KTN1: variants seen among roughly 807,000 people sequenced by gnomAD.
KTN1 encodes kinectin 1.
In KTN1, 130 loss-of-function variants were observed where a neutral mutation model predicts 222.5. The ratio of observed to expected loss-of-function variants is 0.58; its 90% CI spans 0.51 to 0.68. The LOEUF (loss-of-function observed/expected upper bound fraction) is 0.68, where lower values mean the gene tolerates loss of function less well. Among genes scored for constraint, KTN1 ranks in the 30% least tolerant of loss-of-function variants. The pLI is 0.00. For missense variants in KTN1, 1,508 were observed against 1,500.4 expected (o/e 1.01, Z -0.08); for synonymous variants, 512 against 496.3 (o/e 1.03, Z -0.42).
intron 9 of KTN1, among the ~76,000 whole-genome samples, chr14:55,635,062 A>G (rs1487035181): frequency 6.6e-6 from 1 of 152,172 alleles, no homozygotes; most frequent in East Asian, 1.9e-4. Flanking sequence ...TGGGGACACA[A>G]TGCCTAACCA....
chr14:55,659,792 C>T, intron 31 of KTN1, 89 bp downstream of exon 31: 3 of 743,546 alleles, frequency 4.0e-6, no homozygotes, highest in Non-Finnish European at 7.1e-6. Context: ...AGTGTAACTG[C>T]AAATGGCACC....
chr14:55,629,859 A>G (rs2040315871), intron 6 of KTN1, 98 bp from the exon 7 acceptor site: 1 of 828,366 alleles, frequency 1.2e-6, no homozygotes, highest in Non-Finnish European at 2.0e-6. Context: ...ATTCATGATT[A>G]TTTTACTGAT....
Position 55,640,987 on chromosome 14 carries a change from A to T in KTN1, c.2021+17A>T. 1 of 1,593,218 alleles carries T rather than the reference A, an allele frequency of 6.3e-7. No individual in the cohort carries two copies. Among genetic ancestry groups the T allele is most frequent in the Non-Finnish European group, 8.6e-7 (1 of 1,161,706 alleles). On this transcript the variant is annotated intron_variant, in intron 16 of 43. Transcript: ENST00000395314. ...GCAACAAAGGTGACTAAAGTATTGTACATCTAGTCGTTCATACATTTATGT... is the reference window on the plus strand; with the variant it reads ...GCAACAAAGGTGACTAAAGTATTGTTCATCTAGTCGTTCATACATTTATGT...
chr14:55,678,201 T>TGGG, intron 41 of KTN1, 151 bp from the exon 42 acceptor site: 1 of 573,786 alleles, frequency 1.7e-6, no homozygotes, highest in Non-Finnish European at 3.1e-6. Context: ...TATAATCTGG[T>TGGG]GGGGGGTGAA....
chr14:55,682,628 CT>C (rs1195912692), intron 43 of KTN1: 1 of 152,142 alleles, frequency 6.6e-6, no homozygotes, highest in African/African-American at 2.4e-5. Context: ...CACAACCACC[CT>C]GTGTGTTAGG....
intron 32 of KTN1, 59 bp from the exon 33 acceptor site, chr14:55,663,896 A>G: frequency 4.4e-6 from 6 of 1,363,768 alleles, no homozygotes; most frequent in Non-Finnish European, 6.2e-6. Flanking sequence ...GATGAAGTAA[A>G]AAAGCAAAAA....
intron 1 of KTN1, among the ~76,000 whole-genome samples, chr14:55,594,354 CA>C (rs148005592): frequency 0.015 from 2,297 of 152,250 alleles, 32 homozygotes; most frequent in African/African-American, 0.039. Context: ...CTGATATTAG[CA>C]TCACACTAAT....
chr14:55,647,291 T>G (rs1433793387), intron 19 of KTN1, among the ~76,000 whole-genome samples: 2 of 152,130 alleles, frequency 1.3e-5, no homozygotes, highest in East Asian at 1.9e-4. Flanking sequence ...ATTAAAAGTT[T>G]ATAAGAAATG....
chr14:55,634,268 C>T lies in KTN1; in HGVS notation c.1329-258C>T, dbSNP rs369269754. On this transcript the variant is annotated intron_variant, in intron 8 of 43. Transcript: ENST00000395314. ...GATTTTTAATACGTTTTCAGAAGACCAGTTTGAAGGTGACACTATTTATGG... is the reference window on the plus strand; with the variant it reads ...GATTTTTAATACGTTTTCAGAAGACTAGTTTGAAGGTGACACTATTTATGG... Among the ~76,000 whole-genome samples, 42 of 152,178 alleles carry T rather than the reference C, an allele frequency of 2.8e-4. 1 individual carries two copies. The highest frequency in any genetic ancestry group is 1.0e-3 in the African/African-American group (42 of 41,522).
intron 10 of KTN1, among the ~76,000 whole-genome samples, chr14:55,636,828 T>C (rs939370340): frequency 6.6e-6 from 1 of 151,986 alleles, no homozygotes; most frequent in African/African-American, 2.4e-5. Context: ...TTTGGTTCTT[T>C]GGTTAATTCT....
intron 2 of KTN1, among the ~76,000 whole-genome samples, chr14:55,612,997 T>TTC (rs2140636234): frequency 6.6e-6 from 1 of 152,300 alleles, no homozygotes; most frequent in Non-Finnish European, 1.5e-5. Flanking sequence ...GTTACGAACT[T>TTC]TCTAAATGAT....
intron 12 of KTN1, 52 bp downstream of exon 12, chr14:55,637,899 A>G (rs759371679): frequency 2.2e-6 from 3 of 1,369,816 alleles, no homozygotes; most frequent in Non-Finnish European, 3.1e-6. Context: ...CCATTTAAAC[A>G]CTCACCTGAA....
chr14:55,640,511 T>C (rs2041668078), intron 15 of KTN1, 69 bp downstream of exon 15: 13 of 1,065,082 alleles, frequency 1.2e-5, no homozygotes, highest in Non-Finnish European at 1.7e-5. Flanking sequence ...TTCATTGATA[T>C]TGTGAGCCCC....
intron 18 of KTN1, chr14:55,644,481 T>G (rs1413558929): frequency 1.5e-6 from 1 of 688,976 alleles, no homozygotes; most frequent in Non-Finnish European, 2.7e-6. Context: ...GAGGGAAGGC[T>G]GCATTTGGAT....
At chr14:55,613,568 AGT>A (rs2037916234) in intron 2 of KTN1, among the ~76,000 whole-genome samples, 2 of 147,278 alleles carry the variant, frequency 1.4e-5, no homozygotes, top group African/African-American at 5.1e-5. Context: ...ATCTTGGCTC[AGT>A]GTGTCCTCTG....
In KTN1 at chr14:55,653,612, G is replaced by A. The variant is rs1258855522; in HGVS notation, c.2801+16G>A. The A allele has an allele frequency of 6.3e-7, 1 of 1,594,692 alleles. No individual in the cohort carries two copies. On this transcript the variant is annotated intron_variant, in intron 28 of 43. Coordinates refer to ENST00000395314, the MANE Select transcript of KTN1 (RefSeq NM_001079521.2). Reference sequence around the variant, plus strand: ...TTGAGATTGTGTAAGTATGCTTTAAGACCACATTTTGAAGAGAAACAAACG... The same window carrying A: ...TTGAGATTGTGTAAGTATGCTTTAAAACCACATTTTGAAGAGAAACAAACG...
At chr14:55,670,878 A>G (rs1422321966) in intron 35 of KTN1, 69 bp downstream of exon 35, 1 of 1,032,694 alleles carries the variant, frequency 9.7e-7, no homozygotes, top group Non-Finnish European at 1.5e-6. Context: ...TTTTGTCTTC[A>G]TAAGCTTGGA....
intron 31 of KTN1, among the ~76,000 whole-genome samples, chr14:55,660,055 A>G (rs1227185777): frequency 2.0e-5 from 3 of 152,138 alleles, no homozygotes; most frequent in African/African-American, 7.2e-5. Flanking sequence ...GTGTAATTGA[A>G]TGATGCAAAT....
At position 55,651,628 on chromosome 14, in the gene KTN1, G is replaced by C. The variant is rs1595114853; in HGVS notation, c.2566-262G>C. On this transcript the variant is annotated intron_variant, in intron 24 of 43. Coordinates refer to ENST00000395314, the MANE Select transcript of KTN1 (RefSeq NM_001079521.2). ...TCCATCCCACTGCTTCACTTGACTA[G>C]CCTAAAGAAAAAAAGCATCACATTA... 4.8e-5 allele frequency: 21 copies of C among 433,774 alleles called. No individual in the cohort carries two copies. In the East Asian group the frequency reaches 8.9e-4, roughly 18 times the overall value. 26.9% of individuals were successfully genotyped at this position (433,774 alleles called of 1,614,324 possible).
Sources: gnomAD v4.1 joint callset for allele counts (sites outside exome capture counted in the v4.1 genomes callset) on GRCh38, gnomAD v4.1.1 for gene constraint, MANE v1.5 for transcripts, NCBI Gene and HGNC (gene_info 2026-07-23, HGNC 2026-07-21) for gene names.